FAM107A: variants seen among roughly 807,000 people sequenced by gnomAD.
FAM107A encodes family with sequence similarity 107 member A, also known as actin-associated protein FAM107A.
Under a neutral mutation model 13.7 loss-of-function variants are expected in FAM107A, and 19 were observed. The observed-to-expected ratio is 1.38, with a 90% CI of 0.97 to 2.03. The LOEUF (loss-of-function observed/expected upper bound fraction) is 2.03. Among genes scored for constraint, FAM107A ranks in the 30% most tolerant of loss-of-function variants. FAM107A has a pLI of 0.00. For synonymous variants in FAM107A, 82 were observed against 74.5 expected (o/e 1.10, Z -0.52); for missense variants, 203 against 184.4 (o/e 1.10, Z -0.58).
At chr3:58,619,439 G>C (rs1275054785) in intron 1 of FAM107A, among the ~76,000 whole-genome samples, 3 of 152,168 alleles carry the variant, frequency 2.0e-5, no homozygotes, top group African/African-American at 7.2e-5. Context: ...GCCCCTACGA[G>C]GCTGAAGAGG....
chr3:58,575,746 G>T (rs1160355308), intron 1 of FAM107A, among the ~76,000 whole-genome samples: 4 of 152,220 alleles, frequency 2.6e-5, no homozygotes, highest in African/African-American at 9.6e-5. Context: ...AGGACTCCTA[G>T]CCTACGTGAA....
In FAM107A at chr3:58,613,801, G is replaced by A. The variant is rs1395367789; in HGVS notation, c.-70+13615C>T. On this transcript the variant is annotated intron_variant, in intron 1 of 3. Coordinates refer to the FAM107A transcript ENST00000465970. This position sits in a 1 kb window ranked among gnomAD's most constrained non-coding sequence, Gnocchi z 4.6. ...GCTGCCAAGTCCTTGCCCTGGGATG[G>A]TGGAGACTGATGGGCAGGAGGCAGA... is the stretch of plus-strand genomic sequence containing the variant. Among the ~76,000 whole-genome samples the A allele has an allele frequency of 6.6e-6, 1 of 152,194 alleles. No individual in the cohort carries two copies. The highest frequency in any genetic ancestry group is 1.5e-5 in the Non-Finnish European group (1 of 68,030).
chr3:58,613,870 T>C lies in FAM107A; in HGVS notation c.-70+13546A>G, dbSNP rs535688701. Among the ~76,000 whole-genome samples the C allele has an allele frequency of 6.6e-6, 1 of 152,358 alleles. No homozygotes were observed. The highest frequency in any genetic ancestry group is 2.1e-4 in the South Asian group (1 of 4,830). ...TACGGCCTGTCCAAGGTCTATACGT[T>C]ACATCTGCCTCAGACAGCCTTCTGG... On this transcript the variant is annotated intron_variant, in intron 1 of 3. Coordinates refer to the FAM107A transcript ENST00000465970. The surrounding 1 kb of genome is among the most constrained non-coding windows in gnomAD (Gnocchi z 4.6).
chr3:58,587,062 TCAAGTTACGGCGGCGGC>T lies in FAM107A; in HGVS notation c.-143_-127del, dbSNP rs1575447285. 6.6e-6 allele frequency: 9 copies of T among 1,361,082 alleles called. No homozygotes were observed. In the East Asian group the frequency reaches 2.8e-4, roughly 42 times the overall value. The allele number at this position is 1,361,082 out of a possible 1,614,324, so 84.3% of individuals were successfully genotyped here. A position where few individuals can be genotyped will look rare whatever the true frequency, so the allele number is the denominator to read the frequency against. ...CCCAAGTCCCAAACCCCGCTGAGGG[TCAAGTTACGGCGGCGGC>T]CGGAGGGGCGGGCGAGGAGACGCCG... On this transcript the variant is annotated 5_prime_UTR_variant, in exon 1 of 4. Transcript: ENST00000447756.
chr3:58,578,602 A>T (rs1177502406), upstream of FAM107A, among the ~76,000 whole-genome samples: 1 of 152,180 alleles, frequency 6.6e-6, no homozygotes, highest in Non-Finnish European at 1.5e-5. Flanking sequence ...AAAAAACCCA[A>T]GAAAAGTAAA....
intron 1 of FAM107A, chr3:58,573,725 C>T (rs1240470110): frequency 6.6e-6 from 1 of 152,224 alleles, no homozygotes; most frequent in Admixed American, 6.5e-5. Context: ...GAGGCTGAAG[C>T]CATTCAGACT....
At chr3:58,605,764 G>A (rs2065789246) in intron 1 of FAM107A, among the ~76,000 whole-genome samples, 1 of 152,136 alleles carries the variant, frequency 6.6e-6, no homozygotes, top group Non-Finnish European at 1.5e-5. Flanking sequence ...TGCTCACCAG[G>A]ACCCTGAGAG....
intron 1 of FAM107A, among the ~76,000 whole-genome samples, chr3:58,586,396 A>T (rs2065605890): frequency 6.6e-6 from 1 of 152,238 alleles, no homozygotes; most frequent in South Asian, 2.1e-4. Flanking sequence ...AGAGGGAAGG[A>T]ACAAAGGAAG....
At chr3:58,586,413 A>T (rs1293727072) in intron 1 of FAM107A, among the ~76,000 whole-genome samples, 2 of 152,354 alleles carry the variant, frequency 1.3e-5, no homozygotes, top group East Asian at 3.9e-4. Flanking sequence ...GAAGGAAAGA[A>T]AGGCAGAAAG....
upstream of FAM107A, chr3:58,577,722 C>G: frequency 1.0e-6 from 1 of 985,280 alleles, no homozygotes. The surrounding 1 kb of genome is among the most constrained non-coding windows in gnomAD (Gnocchi z 4.9). Flanking sequence ...GAGTGGATTC[C>G]AGCACTTCCC....
At position 58,604,957 on chromosome 3, in the gene FAM107A, C is replaced by T. The variant is rs1382134581; in HGVS notation, c.-69-15688G>A. Reference sequence around the variant, plus strand: ...GAGTGTTAGGTTTTGTTTTAGCAGGCAGTACAATTATTAGGTGATCCCTTT... The same window carrying T: ...GAGTGTTAGGTTTTGTTTTAGCAGGTAGTACAATTATTAGGTGATCCCTTT... On this transcript the variant is annotated intron_variant, in intron 1 of 3. Transcript: ENST00000465970. The surrounding 1 kb of genome is among the most constrained non-coding windows in gnomAD (Gnocchi z 4.1). 2.0e-5 allele frequency among the ~76,000 whole-genome samples: 3 copies of T among 152,106 alleles called. No homozygotes were observed. Among genetic ancestry groups the T allele is most frequent in the Admixed American group, 2.0e-4 (3 of 15,262 alleles).
intron 1 of FAM107A, among the ~76,000 whole-genome samples, chr3:58,616,834 C>A (rs1328545037): frequency 1.3e-5 from 2 of 152,088 alleles, no homozygotes; most frequent in African/African-American, 4.8e-5. Context: ...AGTGCAGTGG[C>A]ACGATCTCGG....
upstream of FAM107A, chr3:58,587,139 T>A (rs2065616193): frequency 7.4e-7 from 1 of 1,351,232 alleles, no homozygotes; most frequent in Non-Finnish European, 9.5e-7. Flanking sequence ...CCAGGGCAGG[T>A]GTCCGCGCCC....
At position 58,599,408 on chromosome 3, in the gene FAM107A, A is replaced by G. The variant is rs889895255; in HGVS notation, c.-69-10139T>C. Among the ~76,000 whole-genome samples, 5 of 152,268 alleles carry G rather than the reference A, an allele frequency of 3.3e-5. No individual in the cohort carries two copies. The East Asian group carries it at 9.6e-4, about 29-fold the overall frequency. On this transcript the variant is annotated intron_variant, in intron 1 of 3. Coordinates refer to the FAM107A transcript ENST00000465970. The stretch of plus-strand genomic sequence containing the variant: ...AGTAGATGCTGCCAAATTATCTTCC[A>G]AAATGGCTGCATTTTCCATACTTGC...
intron 1 of FAM107A, among the ~76,000 whole-genome samples, chr3:58,618,688 G>C (rs553561926): frequency 1.3e-5 from 2 of 152,366 alleles, no homozygotes; most frequent in South Asian, 2.1e-4. Flanking sequence ...CCCGAGGATG[G>C]GGGGAAGGTG....
chr3:58,594,028 C>T (rs2065678064), intron 1 of FAM107A, among the ~76,000 whole-genome samples: 1 of 151,952 alleles, frequency 6.6e-6, no homozygotes, highest in South Asian at 2.1e-4. Context: ...TGTTTCCTCT[C>T]CTTTGTGCAT....
At position 58,617,397 on chromosome 3, in the gene FAM107A, G is replaced by A. The variant is rs185600371; in HGVS notation, c.-70+10019C>T. On this transcript the variant is annotated intron_variant, in intron 1 of 3. Coordinates refer to the FAM107A transcript ENST00000465970. The surrounding 1 kb of genome is among the most constrained non-coding windows in gnomAD (Gnocchi z 4.5). ...ATCCCTATGGGACACCTCAGGCCCC[G>A]TCCTGAGCTTCCTGAGGAGCCGGAT... Among the ~76,000 whole-genome samples, 3 of 152,200 alleles carry A rather than the reference G, an allele frequency of 2.0e-5. No individual in the cohort carries two copies. The highest frequency in any genetic ancestry group is 3.9e-4 in the East Asian group (2 of 5,160).
chr3:58,583,987 AT>A (rs756907171), intron 1 of FAM107A, among the ~76,000 whole-genome samples: 1 of 152,194 alleles, frequency 6.6e-6, no homozygotes, highest in Non-Finnish European at 1.5e-5. Flanking sequence ...AAGAGCCTCT[AT>A]TTTGGGTCTG....
At chr3:58,622,891 G>T (rs1164031099) in intron 1 of FAM107A, among the ~76,000 whole-genome samples, 3 of 152,202 alleles carry the variant, frequency 2.0e-5, no homozygotes, top group Non-Finnish European at 4.4e-5. Flanking sequence ...GAACCCAGCT[G>T]TGGAGTCCCA....
Sources: allele counts gnomAD v4.1 joint callset (sites outside exome capture counted in the v4.1 genomes callset), GRCh38; gene constraint gnomAD v4.1.1; non-coding constraint Gnocchi (gnomAD v3.1); transcripts MANE v1.5; gene names NCBI Gene and HGNC (gene_info 2026-07-23, HGNC 2026-07-21).